Variants in DPP10 observed in about 807,000 individuals in gnomAD.
DPP10 encodes inactive dipeptidyl peptidase 10.
In DPP10, 33 loss-of-function variants were observed where a neutral mutation model predicts 120.9. That is an observed-to-expected ratio of 0.27 (90% confidence interval 0.21 to 0.37). The LOEUF (loss-of-function observed/expected upper bound fraction) is 0.37. Ranked by LOEUF, DPP10 falls within the 10% of genes least tolerant of loss-of-function variation. DPP10 has a pLI of 1.00. For synonymous variants in DPP10, 337 were observed against 326.1 expected, an observed-to-expected ratio of 1.03 and a Z score of -0.36; for missense variants, 816 against 942.8, an observed-to-expected ratio of 0.87 and a Z score of 1.76.
chr2:114,827,718 C>T lies in DPP10; in HGVS notation c.60+384880C>T, dbSNP rs117870939. ...AAAATGTTTTTCTTGTAAAAAGATG[C>T]CTACCTATTTAGCCTGTGCAGTGGA... is the stretch of plus-strand genomic sequence containing the variant. On this transcript the variant is annotated intron_variant, in intron 1 of 25. Transcript: ENST00000410059. Among the ~76,000 whole-genome samples, 78 of 152,162 alleles carry T rather than the reference C, an allele frequency of 5.1e-4. 3 individuals carry two copies. The East Asian group carries it at 0.014, about 28-fold the overall frequency.
intron 5 of DPP10, among the ~76,000 whole-genome samples, chr2:115,563,988 A>G (rs1438502376): frequency 1.3e-5 from 2 of 152,178 alleles, no homozygotes; most frequent in African/African-American, 4.8e-5. Context: ...CCTTGATAAC[A>G]TTTAAAAATA....
intron 7 of DPP10, among the ~76,000 whole-genome samples, chr2:115,699,883 G>A (rs2091808881): frequency 6.6e-6 from 1 of 152,152 alleles, no homozygotes; most frequent in Admixed American, 6.6e-5. Context: ...ATAAAAAACT[G>A]ATCAATGTAA....
intron 5 of DPP10, among the ~76,000 whole-genome samples, chr2:115,552,641 T>G (rs1325113298): frequency 6.6e-6 from 1 of 152,072 alleles, no homozygotes; most frequent in African/African-American, 2.4e-5. Context: ...GGCAAATTTT[T>G]AATAATTTTT....
At chr2:114,494,101 C>CAAAAAAAAAAAAAAAA (rs58552540) in intron 1 of DPP10, among the ~76,000 whole-genome samples, 2 of 77,172 alleles carry the variant, frequency 2.6e-5, no homozygotes, top group Admixed American at 1.5e-4. Context: ...AGCAATAAGG[C>CAAAAAAAAAAAAAAAA]AAAAAAAAAA....
At chr2:115,003,919 T>A (rs1259228051) in intron 1 of DPP10, among the ~76,000 whole-genome samples, 2 of 152,232 alleles carry the variant, frequency 1.3e-5, no homozygotes, top group Admixed American at 1.3e-4. Context: ...GTTTACTACA[T>A]AATGCATACA....
At chr2:115,169,543 T>A (rs1646729222) in intron 1 of DPP10, among the ~76,000 whole-genome samples, 2 of 152,120 alleles carry the variant, frequency 1.3e-5, no homozygotes, top group African/African-American at 2.4e-5. Context: ...CTTGACTGAT[T>A]TCTACTATTT....
At chr2:115,209,177 T>TA (rs993426463) in intron 1 of DPP10, among the ~76,000 whole-genome samples, 2 of 151,898 alleles carry the variant, frequency 1.3e-5, no homozygotes, top group African/African-American at 4.8e-5. Context: ...GTAATCAAGT[T>TA]AAAAAAAAGT....
At chr2:114,813,362 G>A (rs1430434412) in intron 1 of DPP10, among the ~76,000 whole-genome samples, 3 of 152,154 alleles carry the variant, frequency 2.0e-5, no homozygotes, top group Non-Finnish European at 2.9e-5. Flanking sequence ...TGGGTTATCT[G>A]AGTTTTATTT....
rs1517364 is a variant in DPP10, at chr2:115,448,413, C to T, written c.272-51097C>T. 1.3e-4 allele frequency among the ~76,000 whole-genome samples: 20 copies of T among 152,196 alleles called. No homozygotes were observed. In the South Asian group the frequency reaches 3.1e-3, roughly 24 times the overall value. The stretch of plus-strand genomic sequence containing the variant: ...ACTGCACAATTGTACTTTAATGTAG[C>T]GGGAGGTAGAACATGTACCCTTGAA... On this transcript the variant is annotated intron_variant, in intron 3 of 25. Coordinates refer to ENST00000410059, the MANE Select transcript of DPP10 (RefSeq NM_020868.6).
At chr2:114,757,286 G>A (rs1040120072) in intron 1 of DPP10, among the ~76,000 whole-genome samples, 5 of 143,352 alleles carry the variant, frequency 3.5e-5, no homozygotes, top group African/African-American at 1.3e-4. Context: ...AAGAATGGGG[G>A]CGAGAGAAAG....
chr2:115,085,092 A>G (rs1317605031), intron 1 of DPP10, among the ~76,000 whole-genome samples: 1 of 152,224 alleles, frequency 6.6e-6, no homozygotes, highest in Non-Finnish European at 1.5e-5. Context: ...TATCTCTTGT[A>G]GAAGAATTTG....
chr2:115,403,481 C>T (rs1332903923), intron 3 of DPP10, among the ~76,000 whole-genome samples: 1 of 149,956 alleles, frequency 6.7e-6, no homozygotes, highest in Non-Finnish European at 1.5e-5. Context: ...CTTACTGCAA[C>T]CTCCGCCTCC....
intron 1 of DPP10, among the ~76,000 whole-genome samples, chr2:115,194,267 C>T (rs980248211): frequency 2.6e-5 from 4 of 152,076 alleles, no homozygotes; most frequent in Admixed American, 6.6e-5. Context: ...TCTTGTTGCC[C>T]GAGCTAGAGT....
chr2:115,189,608 A>G (rs573275450), intron 1 of DPP10, among the ~76,000 whole-genome samples: 1 of 151,648 alleles, frequency 6.6e-6, no homozygotes, highest in South Asian at 2.1e-4. Context: ...GAATTTTTTC[A>G]GTTCTTTCTC....
At chr2:115,441,765 T>C (rs1010548698) in intron 3 of DPP10, among the ~76,000 whole-genome samples, 1 of 152,016 alleles carries the variant, frequency 6.6e-6, no homozygotes, top group Non-Finnish European at 1.5e-5. Flanking sequence ...ATTTAAACTT[T>C]TAAATTTTTT....
chr2:115,346,335 G>T (rs1007146408), intron 3 of DPP10, among the ~76,000 whole-genome samples: 4 of 152,108 alleles, frequency 2.6e-5, no homozygotes, highest in African/African-American at 4.8e-5. Context: ...ACTTGAAGGA[G>T]TTCGAGCTCA....
At chr2:114,820,411 A>G (rs1685991823) in intron 1 of DPP10, among the ~76,000 whole-genome samples, 1 of 152,170 alleles carries the variant, frequency 6.6e-6, no homozygotes, top group Non-Finnish European at 1.5e-5. Flanking sequence ...TACACTTCCT[A>G]CTCAACAGGT....
intron 1 of DPP10, among the ~76,000 whole-genome samples, chr2:114,566,444 ATCT>A (rs562531713): frequency 3.3e-5 from 5 of 152,328 alleles, no homozygotes; most frequent in South Asian, 2.1e-4. Flanking sequence ...GCTCCTCGAC[ATCT>A]TCTTTTCATT....
At chr2:115,313,848 C>T (rs527469945) in intron 2 of DPP10, among the ~76,000 whole-genome samples, 8 of 152,138 alleles carry the variant, frequency 5.3e-5, no homozygotes, top group South Asian at 4.1e-4. Context: ...TTTTTAATTA[C>T]AGGGTGGACT....
Sources: allele counts gnomAD v4.1 joint callset (sites outside exome capture counted in the v4.1 genomes callset), GRCh38; gene constraint gnomAD v4.1.1; transcripts MANE v1.5; gene names NCBI Gene and HGNC (gene_info 2026-07-23, HGNC 2026-07-21).